Variants in CD163L1 observed in about 807,000 individuals in gnomAD.
CD163L1 encodes the protein CD163 molecule like 1.
In CD163L1, 124 loss-of-function variants were observed where a neutral mutation model predicts 165.4. That is an observed-to-expected ratio of 0.75 (90% CI 0.65 to 0.87). CD163L1 has a LOEUF of 0.87. Ranked by LOEUF, CD163L1 falls within the 40% of genes least tolerant of loss-of-function variation. The probability of loss-of-function intolerance (pLI) is 0.00; values close to 1 mark genes in which losing one functional copy is unlikely to be tolerated. For missense variants in CD163L1, 1,525 were observed against 1,799.9 expected (o/e 0.85, Z 2.76); for synonymous variants, 585 against 662.2 (o/e 0.88, Z 1.79).
intron 2 of CD163L1, chr12:7,438,992 G>C (rs866003409): frequency 1.1e-5 from 17 of 1,604,346 alleles, no homozygotes; most frequent in Non-Finnish European, 1.4e-5. Flanking sequence ...AACCTTTCTC[G>C]GGGTCTTCTT....
downstream of CD163L1, among the ~76,000 whole-genome samples, chr12:7,342,716 C>G (rs1946645561): frequency 6.6e-6 from 1 of 152,178 alleles, no homozygotes; most frequent in Non-Finnish European, 1.5e-5. Flanking sequence ...TCACTGCAGC[C>G]TGGACCTCCC....
At chr12:7,440,326 C>T (rs1309715773) in intron 2 of CD163L1, among the ~76,000 whole-genome samples, 2 of 151,362 alleles carry the variant, frequency 1.3e-5, no homozygotes, top group South Asian at 4.1e-4. Flanking sequence ...GGACCTGGAG[C>T]CGCCGCCGCC....
At chr12:7,388,633 A>G (rs1313947272) in intron 8 of CD163L1, among the ~76,000 whole-genome samples, 2 of 151,806 alleles carry the variant, frequency 1.3e-5, no homozygotes, top group Non-Finnish European at 2.9e-5. Flanking sequence ...GGTCCTAGCT[A>G]CTTGGGGGAC....
the CD163L1 span, among the ~76,000 whole-genome samples, chr12:7,322,851 G>A: frequency 6.6e-6 from 1 of 152,122 alleles, no homozygotes; most frequent in Non-Finnish European, 1.5e-5. Context: ...CTCTGAGAGC[G>A]TCCATGGGAA....
chr12:7,377,936 G>A (rs1209917397), intron 9 of CD163L1, among the ~76,000 whole-genome samples: 2 of 152,076 alleles, frequency 1.3e-5, no homozygotes, highest in African/African-American at 2.4e-5. Context: ...GACTCTAATA[G>A]TTATATCTCC....
chr12:7,351,873 G>A (rs2136365152), downstream of CD163L1, among the ~76,000 whole-genome samples: 1 of 152,092 alleles, frequency 6.6e-6, no homozygotes, highest in East Asian at 1.9e-4. Flanking sequence ...ACTAATGTGA[G>A]GAACTAATAT....
chr12:7,360,866 A>G (rs960096178), intron 18 of CD163L1, among the ~76,000 whole-genome samples: 1 of 152,086 alleles, frequency 6.6e-6, no homozygotes, highest in African/African-American at 2.4e-5. Context: ...TTTGGTTCGT[A>G]TGTTGGATAT....
In CD163L1 at chr12:7,375,533, C is replaced by G; in HGVS notation, c.2749G>C (p.Val917Leu). 1 of 1,613,936 alleles carries G rather than the reference C, an allele frequency of 6.2e-7. No individual in the cohort carries two copies. The highest frequency in any genetic ancestry group is 8.5e-7 in the Non-Finnish European group (1 of 1,180,024). Reference sequence around the variant, plus strand: ...CACAGTGAGCCCCAGTGTCCAAGCACGTTGATCTCCACTTGCCCGTCACAC... The same window carrying G: ...CACAGTGAGCCCCAGTGTCCAAGCAGGTTGATCTCCACTTGCCCGTCACAC... ...SQCDGQVEIN[V>L]LGHWGSLCDT... Residue 917 changes from valine to leucine, a missense_variant, in exon 11 of 20, where the codon GTG (valine) becomes CTG (leucine). Coordinates refer to ENST00000313599, the MANE Select transcript of CD163L1 (RefSeq NM_174941.6).
chr12:7,427,440 T>G (rs1217183536), intron 4 of CD163L1, among the ~76,000 whole-genome samples: 12 of 152,150 alleles, frequency 7.9e-5, no homozygotes, highest in Admixed American at 7.9e-4. Context: ...CTACAGGTAC[T>G]GTATTGCATG....
intron 4 of CD163L1, among the ~76,000 whole-genome samples, chr12:7,422,597 T>C (rs949334930): frequency 6.6e-6 from 1 of 151,452 alleles, no homozygotes; most frequent in African/African-American, 2.4e-5. Flanking sequence ...GAACATAATA[T>C]GCTTTTCATA....
intron 2 of CD163L1, chr12:7,439,757 C>G: frequency 6.2e-7 from 1 of 1,613,244 alleles, no homozygotes; most frequent in Non-Finnish European, 8.5e-7. Flanking sequence ...TTCCAGCGAA[C>G]TTTGTAAAGA....
At chr12:7,325,923 T>TA in the CD163L1 span, among the ~76,000 whole-genome samples, 9 of 152,190 alleles carry the variant, frequency 5.9e-5, no homozygotes, top group African/African-American at 2.2e-4. Context: ...CCCATACTCT[T>TA]ACCTCCTGTA....
At position 7,406,330 on chromosome 12, in the gene CD163L1, G is replaced by T. The variant is rs1166928275; in HGVS notation, c.1087+202C>A. 2.0e-5 allele frequency among the ~76,000 whole-genome samples: 3 copies of T among 152,098 alleles called. No individual in the cohort carries two copies. The East Asian group carries it at 5.8e-4, about 29-fold the overall frequency. On this transcript the variant is annotated intron_variant, in intron 5 of 19. Coordinates refer to ENST00000313599, the MANE Select transcript of CD163L1 (RefSeq NM_174941.6). The stretch of plus-strand genomic sequence containing the variant: ...TGGGTAAAAACCTTATTCCCATGAG[G>T]CTTACAATGTAATATGCTGCATAAA...
At chr12:7,377,902 T>G (rs1947305597) in intron 9 of CD163L1, among the ~76,000 whole-genome samples, 1 of 152,244 alleles carries the variant, frequency 6.6e-6, no homozygotes, top group Admixed American at 6.5e-5. Flanking sequence ...TATTCCTAGA[T>G]TTAGTTTCCG....
intron 4 of CD163L1, among the ~76,000 whole-genome samples, chr12:7,408,159 A>T (rs1046138959): frequency 6.6e-6 from 1 of 151,544 alleles, no homozygotes; most frequent in Non-Finnish European, 1.5e-5. Context: ...TCTCTCTCCA[A>T]TTGCTTGTTT....
chr12:7,434,809 TAC>T (rs1362592862), intron 2 of CD163L1, among the ~76,000 whole-genome samples: 1 of 152,134 alleles, frequency 6.6e-6, no homozygotes, highest in Non-Finnish European at 1.5e-5. Context: ...TTAGTGAGAA[TAC>T]ACTTTTCACA....
intron 6 of CD163L1, among the ~76,000 whole-genome samples, chr12:7,399,479 C>CTTG (rs1947869209): frequency 6.6e-6 from 1 of 150,820 alleles, no homozygotes; most frequent in South Asian, 2.1e-4. Context: ...TCCTTCCTTC[C>CTTG]TTCTTCTTCC....
Position 7,374,170 on chromosome 12 carries a change from G to A in CD163L1, c.3409+272C>T, listed in dbSNP as rs1321447784. Reference sequence around the variant, plus strand: ...TTGACAGTGTGTTCTCAGAGCCAGAGTGGATGTCATGTAAGGTCCCTTTCT... The same window carrying A: ...TTGACAGTGTGTTCTCAGAGCCAGAATGGATGTCATGTAAGGTCCCTTTCT... On this transcript the variant is annotated intron_variant, in intron 13 of 19. Transcript: ENST00000313599. This position sits in a 1 kb window ranked among gnomAD's most constrained non-coding sequence, Gnocchi z 5.4. Among the ~76,000 whole-genome samples the A allele has an allele frequency of 2.0e-5, 3 of 152,208 alleles. No homozygotes were observed. The highest frequency in any genetic ancestry group is 4.4e-5 in the Non-Finnish European group (3 of 68,036).
chr12:7,365,522 C>A (rs758354263), intron 18 of CD163L1, among the ~76,000 whole-genome samples: 29 of 151,860 alleles, frequency 1.9e-4, no homozygotes, highest in Non-Finnish European at 4.1e-4. Flanking sequence ...CAACTAATAA[C>A]GGGTTAATAA....
Sources: allele counts gnomAD v4.1 joint callset (sites outside exome capture counted in the v4.1 genomes callset), GRCh38; gene constraint gnomAD v4.1.1; non-coding constraint Gnocchi (gnomAD v3.1); transcripts MANE v1.5; gene names NCBI Gene and HGNC (gene_info 2026-07-23, HGNC 2026-07-21).